Variants in ANKRD13C observed in about 807,000 individuals in gnomAD.
ANKRD13C encodes ankyrin repeat domain 13C.
A neutral mutation model predicts 65.5 loss-of-function variants in ANKRD13C; 16 were observed. The ratio of observed to expected loss-of-function variants is 0.24; its 90% CI spans 0.17 to 0.37. The LOEUF (loss-of-function observed/expected upper bound fraction) is 0.37, where lower values mean the gene tolerates loss of function less well. ANKRD13C is among the 10% of genes least tolerant of loss of function. ANKRD13C has a pLI of 1.00. For missense variants in ANKRD13C, 503 were observed against 655.9 expected, an observed-to-expected ratio of 0.77 and a Z score of 2.55; for synonymous variants, 235 against 238.7, an observed-to-expected ratio of 0.98 and a Z score of 0.14.
At chr1:70,285,164 T>A (rs1382344848) in intron 9 of ANKRD13C, among the ~76,000 whole-genome samples, 1 of 151,832 alleles carries the variant, frequency 6.6e-6, no homozygotes, top group Non-Finnish European at 1.5e-5. Context: ...AAAGCATCAA[T>A]TTTCAATACT....
At chr1:70,301,938 C>G (rs1040173617) in intron 6 of ANKRD13C, among the ~76,000 whole-genome samples, 1 of 152,162 alleles carries the variant, frequency 6.6e-6, no homozygotes, top group African/African-American at 2.4e-5. Flanking sequence ...GGATGCTGAT[C>G]ACATCCCCAG....
At chr1:70,274,600 A>G (rs1005261115) in intron 11 of ANKRD13C, 120 bp downstream of exon 11, 1 of 742,742 alleles carries the variant, frequency 1.3e-6, no homozygotes, top group African/African-American at 1.7e-5. Flanking sequence ...CTATCAAGGC[A>G]ATGGCTATTT....
chr1:70,309,917 CA>C (rs957006701), intron 5 of ANKRD13C, among the ~76,000 whole-genome samples: 1 of 151,676 alleles, frequency 6.6e-6, no homozygotes, highest in Admixed American at 6.6e-5. Flanking sequence ...GGGCTTTCTT[CA>C]AAAAAATGAT....
At chr1:70,268,246 T>C (rs1051850969) in intron 12 of ANKRD13C, among the ~76,000 whole-genome samples, 4 of 151,964 alleles carry the variant, frequency 2.6e-5, no homozygotes, top group Admixed American at 2.6e-4. Flanking sequence ...CTTGGCTCAC[T>C]GTAACCTCTG....
chr1:70,306,104 T>C (rs1680576786), intron 6 of ANKRD13C, 120 bp downstream of exon 6: 1 of 558,416 alleles, frequency 1.8e-6, no homozygotes, highest in Non-Finnish European at 2.9e-6. Flanking sequence ...AGATAAAATA[T>C]TGTGACTCTG....
At chr1:70,339,727 C>T (rs769756278) in intron 1 of ANKRD13C, among the ~76,000 whole-genome samples, 4 of 151,638 alleles carry the variant, frequency 2.6e-5, no homozygotes, top group Admixed American at 2.6e-4. Flanking sequence ...TAATGATATA[C>T]GATGACATTT....
intron 9 of ANKRD13C, among the ~76,000 whole-genome samples, chr1:70,282,941 A>AT (rs1679461765): frequency 6.7e-6 from 1 of 150,132 alleles, no homozygotes; most frequent in Admixed American, 6.8e-5. Flanking sequence ...ACATCATTAT[A>AT]TTTTTTCAGG....
chr1:70,296,299 T>G lies in ANKRD13C; in HGVS notation c.922-38A>C, dbSNP rs199534409. On this transcript the variant is annotated intron_variant, in intron 7 of 12. Transcript: ENST00000370944. ...CAAAAGTTAAATATAAAAATCTAGG[T>G]TTTTCAAAAGTTCTTAGTACTACAT... 33 of 1,591,576 alleles carry G rather than the reference T, an allele frequency of 2.1e-5. No homozygotes were observed. In the South Asian group the frequency reaches 3.6e-4, roughly 17 times the overall value.
intron 9 of ANKRD13C, among the ~76,000 whole-genome samples, chr1:70,283,737 G>A (rs920773528): frequency 6.6e-6 from 1 of 152,032 alleles, no homozygotes; most frequent in East Asian, 1.9e-4. Context: ...GGAGCCGGGA[G>A]ACGGAGGTTG....
intron 12 of ANKRD13C, 76 bp from the exon 13 acceptor site, chr1:70,262,923 T>C: frequency 9.4e-7 from 1 of 1,068,610 alleles, no homozygotes; most frequent in South Asian, 1.7e-5. Flanking sequence ...CTATTGGAGA[T>C]GTCCATACTC....
rs755737433 is a variant in ANKRD13C at position 70,292,561 on chromosome 1, C to A, written c.1054-12G>T. The A allele has an allele frequency of 1.3e-6, 2 of 1,569,450 alleles. No homozygotes were observed. The highest frequency in any genetic ancestry group is 2.1e-5 in the Admixed American group (1 of 46,702). On this transcript the variant is annotated splice_polypyrimidine_tract_variant and intron_variant, in intron 8 of 12. Coordinates refer to ENST00000370944, the MANE Select transcript of ANKRD13C (RefSeq NM_030816.5). ...TTTCCTACTCTTTCCTAAAACAAAA[C>A]CAAATATTTAAAAGTAAAATTTTTA...
rs545271291 is a variant in ANKRD13C, at chr1:70,260,817, T to C, written c.*1900A>G. ...CCAGTGTACCCCAGCAAAATATTCATAGCTGTGCTGTTAGGAAATTAATCA... is the reference window on the plus strand; with the variant it reads ...CCAGTGTACCCCAGCAAAATATTCACAGCTGTGCTGTTAGGAAATTAATCA... On this transcript the variant is annotated 3_prime_UTR_variant, in exon 13 of 13. Transcript: ENST00000370944. 2.2e-4 allele frequency: 34 copies of C among 152,256 alleles called. No individual in the cohort carries two copies. Among genetic ancestry groups the C allele is most frequent in the Admixed American group, 7.8e-4 (12 of 15,288 alleles). 9.4% of individuals were successfully genotyped at this position (152,256 alleles called of 1,614,324 possible).
chr1:70,272,844 C>T (rs1015885763), intron 11 of ANKRD13C, among the ~76,000 whole-genome samples: 4 of 151,904 alleles, frequency 2.6e-5, no homozygotes, highest in South Asian at 2.1e-4. Flanking sequence ...AGAAATTATC[C>T]AGGCGTGGTA....
At chr1:70,313,039 A>C (rs1680915227) in intron 5 of ANKRD13C, among the ~76,000 whole-genome samples, 1 of 152,232 alleles carries the variant, frequency 6.6e-6, no homozygotes, top group African/African-American at 2.4e-5. Context: ...AAATATACAT[A>C]AACAAAAAAT....
Position 70,262,576 on chromosome 1 carries a change from A to C in ANKRD13C, c.*141T>G. 3 of 911,496 alleles carry C rather than the reference A, an allele frequency of 3.3e-6. No homozygotes were observed. The Admixed American group carries it at 8.2e-5, about 25-fold the overall frequency. 56.5% of individuals were successfully genotyped at this position (911,496 alleles called of 1,614,324 possible). A position where few individuals can be genotyped will look rare whatever the true frequency, so the allele number is the denominator to read the frequency against. The stretch of plus-strand genomic sequence containing the variant: ...GAAATTCTTATTAGAGGCCCATTTC[A>C]CTGTATCGTATTACTGATGTGTCGA... On this transcript the variant is annotated 3_prime_UTR_variant, in exon 13 of 13. Transcript: ENST00000370944.
intron 7 of ANKRD13C, among the ~76,000 whole-genome samples, 192 bp downstream of exon 7, chr1:70,300,572 A>G (rs1461674097): frequency 6.6e-6 from 1 of 152,174 alleles, no homozygotes; most frequent in East Asian, 1.9e-4. Flanking sequence ...TGGGTGACAG[A>G]GCGAGACTCC....
chr1:70,334,714 C>T (rs1425897593), intron 2 of ANKRD13C, among the ~76,000 whole-genome samples: 1 of 151,804 alleles, frequency 6.6e-6, no homozygotes, highest in African/African-American at 2.4e-5. Context: ...CACCTGAGGT[C>T]GGGGGTTCGA....
intron 2 of ANKRD13C, among the ~76,000 whole-genome samples, chr1:70,331,675 C>T (rs1681805707): frequency 6.6e-6 from 1 of 151,772 alleles, no homozygotes; most frequent in African/African-American, 2.4e-5. Context: ...AACCCTGTCT[C>T]TACTAACAAT....
intron 11 of ANKRD13C, among the ~76,000 whole-genome samples, chr1:70,272,856 C>T (rs1301835742): frequency 6.6e-6 from 1 of 151,970 alleles, no homozygotes; most frequent in African/African-American, 2.4e-5. Context: ...GGCGTGGTAG[C>T]ACATGCCTGT....
Sources: gnomAD v4.1 joint callset for allele counts (sites outside exome capture counted in the v4.1 genomes callset) on GRCh38, gnomAD v4.1.1 for gene constraint, MANE v1.5 for transcripts, NCBI Gene and HGNC (gene_info 2026-07-23, HGNC 2026-07-21) for gene names.